The following CACNB2 variants were observed in gnomAD, a reference collection of about 807,000 sequenced individuals.
The protein encoded by CACNB2 is calcium voltage-gated channel auxiliary subunit beta 2, also known as voltage-dependent L-type calcium channel subunit beta-2.
CACNB2 carries 42 observed loss-of-function variants against 73.3 expected under a neutral mutation model. The ratio of observed to expected loss-of-function variants is 0.57; its 90% CI spans 0.45 to 0.74. The LOEUF is 0.74. CACNB2 is among the 30% of genes least tolerant of loss of function. CACNB2 has a pLI of 0.00. For missense variants in CACNB2, 940 were observed against 853.0 expected (o/e 1.10, Z -1.27); for synonymous variants, 348 against 310.3 (o/e 1.12, Z -1.28).
chr10:18,167,845 T>A lies in CACNB2; in HGVS notation c.213+16870T>A, dbSNP rs141837429. ...TGTAAATGCAGCTTTAAGACACGTGTCATATATTCAAGCAATTTTACAGCC... is the reference window on the plus strand; with the variant it reads ...TGTAAATGCAGCTTTAAGACACGTGACATATATTCAAGCAATTTTACAGCC... On this transcript the variant is annotated intron_variant, in intron 2 of 13. Transcript: ENST00000324631. 3.5e-4 allele frequency among the ~76,000 whole-genome samples: 54 copies of A among 152,256 alleles called. No homozygotes were observed. In the East Asian group the frequency reaches 9.8e-3, roughly 28 times the overall value.
At position 18,291,417 on chromosome 10, in the gene CACNB2, G is replaced by A. The variant is rs117942795; in HGVS notation, c.214-110507G>A. On this transcript the variant is annotated intron_variant, in intron 2 of 13. Transcript: ENST00000324631. ...GATTTTGGACGTTTCCACGTGGACT[G>A]AAGTTTTAATTTTTTCAAGGGACTA... Among the ~76,000 whole-genome samples, 1,008 of 152,306 alleles carry A rather than the reference G, an allele frequency of 6.6e-3. 4 individuals carry two copies. The highest frequency in any genetic ancestry group is 0.012 in the Non-Finnish European group (796 of 68,030).
chr10:18,271,740 A>G (rs2038062400), intron 2 of CACNB2, among the ~76,000 whole-genome samples: 1 of 152,136 alleles, frequency 6.6e-6, no homozygotes, highest in African/African-American at 2.4e-5. Context: ...TCTGTTTCCC[A>G]TTGAGCCAGA....
chr10:18,189,722 T>G (rs577190142), intron 2 of CACNB2, among the ~76,000 whole-genome samples: 62 of 152,316 alleles, frequency 4.1e-4, no homozygotes, highest in Non-Finnish European at 5.9e-4. Context: ...AGAATTTGAA[T>G]TTTTCAGCAT....
chr10:18,396,040 T>C (rs949869487), intron 2 of CACNB2, among the ~76,000 whole-genome samples: 2 of 152,216 alleles, frequency 1.3e-5, no homozygotes, highest in Non-Finnish European at 2.9e-5. Context: ...CACTGCAGCC[T>C]CTGCCTCCTA....
chr10:18,394,279 G>C (rs1190593752), intron 2 of CACNB2, among the ~76,000 whole-genome samples: 1 of 152,146 alleles, frequency 6.6e-6, no homozygotes, highest in Non-Finnish European at 1.5e-5. Flanking sequence ...TTATAGATGT[G>C]TGTGAGAGAG....
intron 2 of CACNB2, among the ~76,000 whole-genome samples, chr10:18,184,664 T>G (rs1373920307): frequency 6.6e-5 from 10 of 150,572 alleles, no homozygotes; most frequent in East Asian, 1.9e-4. Flanking sequence ...TTTTTTTTTT[T>G]TTTTTTTTTT....
intron 3 of CACNB2, among the ~76,000 whole-genome samples, chr10:18,445,409 A>G (rs1170506672): frequency 1.3e-5 from 2 of 152,190 alleles, no homozygotes; most frequent in East Asian, 1.9e-4. Flanking sequence ...TTTCTTTTCC[A>G]TTACACACGT....
In CACNB2 at chr10:18,518,352, C is replaced by T. The variant is rs767304274; in HGVS notation, c.821C>T (p.Pro274Leu). 1.2e-5 allele frequency: 19 copies of T among 1,612,402 alleles called. No individual in the cohort carries two copies. Among genetic ancestry groups the T allele is most frequent in the South Asian group, 3.3e-5 (3 of 91,036 alleles). ...TCTCTGCAGACAGAGCACACTCCTCCGTATGATGTGGTACCTTCCATGCGA... is the reference window on the plus strand; with the variant it reads ...TCTCTGCAGACAGAGCACACTCCTCTGTATGATGTGGTACCTTCCATGCGA... Reference protein sequence around the residue: ...PFFKKTEHTPPYDVVPSMRPV... With the variant: ...PFFKKTEHTPLYDVVPSMRPV... The change falls in exon 8 of 14, where the codon CCG becomes CTG. Residue 274 changes from proline (P) to leucine (L), a missense_variant. Physicochemically the swap from Pro to Leu is moderately conservative, Grantham distance 98. Transcript: ENST00000324631.
chr10:18,263,252 T>C (rs1198612482), intron 2 of CACNB2, among the ~76,000 whole-genome samples: 2 of 152,192 alleles, frequency 1.3e-5, no homozygotes, highest in Admixed American at 1.3e-4. Flanking sequence ...ACTGTGCATC[T>C]ATCTGTAACG....
chr10:18,225,147 T>A (rs971844837), intron 2 of CACNB2, among the ~76,000 whole-genome samples: 22 of 151,996 alleles, frequency 1.4e-4, no homozygotes, highest in Non-Finnish European at 2.5e-4. Context: ...TTTTTTTTTT[T>A]AAAGTGATCT....
intron 2 of CACNB2, among the ~76,000 whole-genome samples, chr10:18,328,991 C>G (rs867007005): frequency 3.9e-4 from 60 of 152,300 alleles, no homozygotes; most frequent in African/African-American, 1.3e-3. Context: ...GGCTCTCAGA[C>G]TACACTTGGA....
chr10:18,224,002 T>C (rs2035890999), intron 2 of CACNB2, among the ~76,000 whole-genome samples: 1 of 151,934 alleles, frequency 6.6e-6, no homozygotes, highest in South Asian at 2.1e-4. Context: ...TTTTTTTTTT[T>C]TGTCCTGGGA....
chr10:18,408,854 T>C (rs184062007), intron 3 of CACNB2, among the ~76,000 whole-genome samples: 2 of 152,220 alleles, frequency 1.3e-5, no homozygotes. Context: ...TTCAGGTTTG[T>C]TTATTATTAT....
At chr10:18,234,975 C>T (rs1262048909) in intron 2 of CACNB2, among the ~76,000 whole-genome samples, 1 of 151,810 alleles carries the variant, frequency 6.6e-6, no homozygotes, top group Non-Finnish European at 1.5e-5. Context: ...AACCCCGTCT[C>T]TACTAAAAAT....
intron 9 of CACNB2, among the ~76,000 whole-genome samples, chr10:18,521,814 C>T (rs1470298814): frequency 6.6e-6 from 1 of 152,162 alleles, no homozygotes; most frequent in East Asian, 1.9e-4. Context: ...GTATTTTTAA[C>T]CAGATAAATG....
chr10:18,483,500 C>T (rs139142287), intron 3 of CACNB2, among the ~76,000 whole-genome samples: 2,357 of 140,276 alleles, frequency 0.017, 27 homozygotes, highest in Middle Eastern at 0.05. Context: ...CACTGCACTC[C>T]AGCCTGGGCA....
chr10:18,461,331 G>T (rs2047563899), intron 3 of CACNB2, among the ~76,000 whole-genome samples: 1 of 152,150 alleles, frequency 6.6e-6, no homozygotes, highest in African/African-American at 2.4e-5. Context: ...TATCCAGAGT[G>T]ACTGTCTTGC....
intron 3 of CACNB2, among the ~76,000 whole-genome samples, chr10:18,430,240 T>C (rs184776022): frequency 2.0e-5 from 3 of 152,188 alleles, no homozygotes; most frequent in Non-Finnish European, 4.4e-5. Context: ...TAGAAAATAT[T>C]GAGACGCGTC....
rs113174819 is a variant in CACNB2 at position 18,481,980 on chromosome 10, C to A, written c.334-16375C>A. On this transcript the variant is annotated intron_variant, in intron 3 of 13. Coordinates refer to ENST00000324631, the MANE Select transcript of CACNB2 (RefSeq NM_201596.3). ...TCTCGGCTTACTGCAACCTGTGCCT[C>A]CTGGGTTCAAGCAATTCTCTTGCCT... is the stretch of plus-strand genomic sequence containing the variant. Among the ~76,000 whole-genome samples the A allele has an allele frequency of 5.7e-3, 872 of 152,206 alleles. 5 individuals are homozygous for A. The highest frequency in any genetic ancestry group is 0.019 in the African/African-American group (799 of 41,520).
Sources: gnomAD v4.1 joint callset for allele counts (sites outside exome capture counted in the v4.1 genomes callset) on GRCh38, gnomAD v4.1.1 for gene constraint, MANE v1.5 for transcripts, NCBI Gene and HGNC (gene_info 2026-07-23, HGNC 2026-07-21) for gene names.